KCNIP4: variants seen among roughly 807,000 people sequenced by gnomAD.
KCNIP4 encodes the protein potassium voltage-gated channel interacting protein 4, also known as Kv channel-interacting protein 4.
A neutral mutation model predicts 34.0 loss-of-function variants in KCNIP4; 12 were observed. That is an observed-to-expected ratio of 0.35 (90% CI 0.23 to 0.57). KCNIP4 has a LOEUF of 0.57. KCNIP4 is among the 20% of genes least tolerant of loss of function. The probability of loss-of-function intolerance (pLI) is 0.83; values close to 1 mark genes in which losing one functional copy is unlikely to be tolerated. For missense variants in KCNIP4, 238 were observed against 311.7 expected, an observed-to-expected ratio of 0.76 and a Z score of 1.78; for synonymous variants, 124 against 102.2, an observed-to-expected ratio of 1.21 and a Z score of -1.29.
At chr4:21,334,322 C>T (rs1715944309) in intron 1 of KCNIP4, among the ~76,000 whole-genome samples, 1 of 151,650 alleles carries the variant, frequency 6.6e-6, no homozygotes, top group Admixed American at 6.6e-5. Flanking sequence ...CTAAGATCTC[C>T]AAAAAAATAA....
intron 1 of KCNIP4, among the ~76,000 whole-genome samples, chr4:21,343,870 G>GT (rs1168579735): frequency 6.6e-6 from 1 of 152,002 alleles, no homozygotes; most frequent in Non-Finnish European, 1.5e-5. Flanking sequence ...CTGTTCTCCT[G>GT]TTTTTATTAA....
Position 21,707,535 on chromosome 4 carries a change from C to A in KCNIP4, c.61+241036G>T, listed in dbSNP as rs1713379021. ...ACAAATAGTCCATTGGAAATGTGCACCAGGTAGAGGTAAGGCTCCATTGAT... is the reference window on the plus strand; with the variant it reads ...ACAAATAGTCCATTGGAAATGTGCAACAGGTAGAGGTAAGGCTCCATTGAT... On this transcript the variant is annotated intron_variant, in intron 1 of 8. Coordinates refer to ENST00000382152, the MANE Select transcript of KCNIP4 (RefSeq NM_025221.6). Among the ~76,000 whole-genome samples the A allele has an allele frequency of 2.0e-5, 3 of 151,796 alleles. No homozygotes were observed. The South Asian group carries it at 6.2e-4, about 32-fold the overall frequency.
chr4:21,869,741 GATA>G (rs1171638342), intron 1 of KCNIP4, among the ~76,000 whole-genome samples: 2 of 127,842 alleles, frequency 1.6e-5, no homozygotes, highest in Non-Finnish European at 3.6e-5. Context: ...TAGATAGATA[GATA>G]GATAGATAGA....
At chr4:20,756,396 A>G (rs1425846574) in intron 4 of KCNIP4, among the ~76,000 whole-genome samples, 1 of 151,978 alleles carries the variant, frequency 6.6e-6, no homozygotes, top group Non-Finnish European at 1.5e-5. Flanking sequence ...AATCCTATTT[A>G]TCTCTTTTCT....
intron 1 of KCNIP4, among the ~76,000 whole-genome samples, chr4:21,507,584 C>T (rs17467166): frequency 0.2 from 30,104 of 152,076 alleles, 3,449 homozygotes; most frequent in Non-Finnish European, 0.27. Flanking sequence ...TTCAAAGATG[C>T]TATTTCAACT....
intron 1 of KCNIP4, among the ~76,000 whole-genome samples, chr4:21,323,229 A>C (rs1452333789): frequency 8.6e-5 from 13 of 150,954 alleles, no homozygotes; most frequent in Non-Finnish European, 3.0e-5. Context: ...CAAATGAGAT[A>C]TCTCTAACCT....
At chr4:21,406,235 G>A (rs775648679) in intron 1 of KCNIP4, among the ~76,000 whole-genome samples, 1 of 152,212 alleles carries the variant, frequency 6.6e-6, no homozygotes, top group African/African-American at 2.4e-5. Flanking sequence ...TGTGGCTGAG[G>A]AAAGGGAAAC....
chr4:21,712,359 G>C (rs1292050739), intron 1 of KCNIP4, among the ~76,000 whole-genome samples: 1 of 152,180 alleles, frequency 6.6e-6, no homozygotes, highest in Non-Finnish European at 1.5e-5. Context: ...ACTATTATCG[G>C]TTCTGTACAG....
At chr4:21,058,299 G>C in intron 1 of KCNIP4, among the ~76,000 whole-genome samples, 1 of 152,128 alleles carries the variant, frequency 6.6e-6, no homozygotes, top group East Asian at 1.9e-4. Flanking sequence ...AGTAGAACAA[G>C]AAGGACATAT....
intron 1 of KCNIP4, among the ~76,000 whole-genome samples, chr4:21,149,740 T>C (rs559843309): frequency 4.8e-4 from 73 of 152,006 alleles, no homozygotes; most frequent in Non-Finnish European, 6.6e-4. Context: ...GAGAGTATAA[T>C]GAAGTAAAGA....
intron 1 of KCNIP4, among the ~76,000 whole-genome samples, chr4:21,323,896 C>G (rs915887321): frequency 6.6e-6 from 1 of 152,000 alleles, no homozygotes; most frequent in Non-Finnish European, 1.5e-5. Context: ...TTCTCCATAT[C>G]CTTGCCAGCA....
intron 3 of KCNIP4, among the ~76,000 whole-genome samples, chr4:20,837,564 C>T (rs906971938): frequency 4.0e-5 from 6 of 151,530 alleles, no homozygotes; most frequent in Admixed American, 4.0e-4. Flanking sequence ...CAAAATTGCA[C>T]AGCAGCCTCT....
rs148511080 is a variant in KCNIP4 at position 20,758,897 on chromosome 4, A to G, written c.289-7T>C. The stretch of plus-strand genomic sequence containing the variant: ...CAACACCACTGGGGCATTCCTAGGG[A>G]AAGTGGCAGAGAAGCAATATGAGCA... On this transcript the variant is annotated splice_polypyrimidine_tract_variant and splice_region_variant and intron_variant, in intron 3 of 8. Transcript: ENST00000382152. 3,712 of 1,611,364 alleles carry G rather than the reference A, an allele frequency of 2.3e-3. 28 individuals carry two copies. Among genetic ancestry groups the G allele is most frequent in the Middle Eastern group, 0.014 (85 of 6,046 alleles).
chr4:20,772,127 T>A (rs1425695834), intron 3 of KCNIP4, among the ~76,000 whole-genome samples: 2 of 152,272 alleles, frequency 1.3e-5, no homozygotes, highest in East Asian at 3.9e-4. Context: ...TAAAGAACTT[T>A]CCCAAGGTCA....
At position 21,913,308 on chromosome 4, in the gene KCNIP4, C is replaced by T. The variant is rs114580249; in HGVS notation, c.61+35263G>A. Among the ~76,000 whole-genome samples the T allele has an allele frequency of 7.2e-3, 1,091 of 151,902 alleles. 13 individuals are homozygous for T. The highest frequency in any genetic ancestry group is 0.025 in the African/African-American group (1,032 of 41,426). On this transcript the variant is annotated intron_variant, in intron 1 of 8. Transcript: ENST00000382152. Reference sequence around the variant, plus strand: ...TGAGCTATGATGCTACAACTGCACTCCAGCCTGGTGACAGAGTGAGACCTT... The same window carrying T: ...TGAGCTATGATGCTACAACTGCACTTCAGCCTGGTGACAGAGTGAGACCTT...
intron 3 of KCNIP4, among the ~76,000 whole-genome samples, chr4:20,807,993 G>A (rs147775438): frequency 1.4e-3 from 219 of 152,234 alleles, no homozygotes; most frequent in African/African-American, 5.1e-3. Flanking sequence ...TGTAGTGAAG[G>A]CAGTTTTAGA....
At chr4:21,922,250 C>T (rs149528477) in intron 1 of KCNIP4, among the ~76,000 whole-genome samples, 26 of 152,304 alleles carry the variant, frequency 1.7e-4, no homozygotes, top group African/African-American at 6.0e-4. Context: ...GCTCTTGGCC[C>T]ATGATGCTGC....
At chr4:21,789,770 TACAA>T (rs1339053650) in intron 1 of KCNIP4, among the ~76,000 whole-genome samples, 3 of 152,222 alleles carry the variant, frequency 2.0e-5, no homozygotes, top group Non-Finnish European at 2.9e-5. Context: ...TGCTTGCTCT[TACAA>T]AGAAGAAATC....
At chr4:21,267,582 C>A (rs1409004405) in intron 1 of KCNIP4, among the ~76,000 whole-genome samples, 2 of 148,684 alleles carry the variant, frequency 1.3e-5, no homozygotes, top group East Asian at 3.9e-4. Context: ...TTGTCAAAGG[C>A]CTTTTCTGCA....
Sources: allele counts gnomAD v4.1 joint callset (sites outside exome capture counted in the v4.1 genomes callset), GRCh38; gene constraint gnomAD v4.1.1; transcripts MANE v1.5; gene names NCBI Gene and HGNC (gene_info 2026-07-23, HGNC 2026-07-21).